The following CACNA2D3 variants were observed in gnomAD, a reference collection of about 807,000 sequenced individuals.
CACNA2D3 encodes calcium voltage-gated channel auxiliary subunit alpha2delta 3, also known as voltage-dependent calcium channel subunit alpha-2/delta-3.
Under a neutral mutation model 160.6 loss-of-function variants are expected in CACNA2D3, and 60 were observed. That is an observed-to-expected ratio of 0.37 (90% CI 0.30 to 0.46). The LOEUF (loss-of-function observed/expected upper bound fraction) is 0.46. CACNA2D3 is among the 20% of genes least tolerant of loss of function. CACNA2D3 has a pLI of 1.00. For missense variants in CACNA2D3, 1,205 were observed against 1,365.0 expected, an observed-to-expected ratio of 0.88 and a Z score of 1.85; for synonymous variants, 558 against 492.9, an observed-to-expected ratio of 1.13 and a Z score of -1.75.
chr3:54,446,962 C>T (rs1357032963), intron 4 of CACNA2D3, among the ~76,000 whole-genome samples: 4 of 152,160 alleles, frequency 2.6e-5, no homozygotes, highest in Admixed American at 2.0e-4. Flanking sequence ...GGTGGGATCC[C>T]GGAGGCGGGT....
intron 5 of CACNA2D3, among the ~76,000 whole-genome samples, chr3:54,528,055 C>T (rs1389118418): frequency 6.6e-6 from 1 of 151,994 alleles, no homozygotes; most frequent in Non-Finnish European, 1.5e-5. Context: ...TTTAAGTTCT[C>T]AAGAAGCTTC....
chr3:54,708,520 G>T lies in CACNA2D3; in HGVS notation c.1168-44079G>T, dbSNP rs530499565. On this transcript the variant is annotated intron_variant, in intron 11 of 37. Transcript: ENST00000474759. ...CCTTGTGATTACTGCCAAATTGGTT[G>T]TTTATAATAGGTAAATGTTGATTGA... is the stretch of plus-strand genomic sequence containing the variant. 2.0e-5 allele frequency among the ~76,000 whole-genome samples: 3 copies of T among 152,294 alleles called. No homozygotes were observed. In the South Asian group the frequency reaches 6.2e-4, roughly 32 times the overall value.
intron 11 of CACNA2D3, among the ~76,000 whole-genome samples, chr3:54,719,423 T>G (rs1701127336): frequency 6.6e-6 from 1 of 151,966 alleles, no homozygotes; most frequent in Non-Finnish European, 1.5e-5. Context: ...AATTATATAA[T>G]TTTTTCTTCT....
chr3:54,528,721 T>G (rs905210057), intron 5 of CACNA2D3, among the ~76,000 whole-genome samples: 6 of 152,312 alleles, frequency 3.9e-5, no homozygotes, highest in Middle Eastern at 3.4e-3. Flanking sequence ...TTTGTGAGAT[T>G]ATCAAGCAGC....
At chr3:54,585,716 G>T (rs1388808669) in intron 9 of CACNA2D3, among the ~76,000 whole-genome samples, 1 of 152,106 alleles carries the variant, frequency 6.6e-6, no homozygotes, top group Non-Finnish European at 1.5e-5. Flanking sequence ...CATGAAATTT[G>T]CTCAGTATCA....
At chr3:54,633,306 T>A (rs1241058970) in intron 10 of CACNA2D3, among the ~76,000 whole-genome samples, 1 of 152,194 alleles carries the variant, frequency 6.6e-6, no homozygotes, top group African/African-American at 2.4e-5. Flanking sequence ...ATCCCAGCTA[T>A]GTCAGATAGT....
At chr3:54,586,853 A>G (rs1702771069) in intron 9 of CACNA2D3, among the ~76,000 whole-genome samples, 1 of 152,140 alleles carries the variant, frequency 6.6e-6, no homozygotes, top group African/African-American at 2.4e-5. Flanking sequence ...CAGGAAATTC[A>G]TAACAGAAAG....
intron 24 of CACNA2D3, among the ~76,000 whole-genome samples, chr3:54,888,362 C>T (rs1273250854): frequency 1.3e-5 from 2 of 152,160 alleles, no homozygotes; most frequent in African/African-American, 4.8e-5. Flanking sequence ...ACAGCTCTCT[C>T]TACTTTGCAG....
chr3:54,307,254 A>G (rs4072628), intron 2 of CACNA2D3, among the ~76,000 whole-genome samples: 68,566 of 151,984 alleles, frequency 0.45, 15,741 homozygotes, highest in Middle Eastern at 0.57. Flanking sequence ...AGTTGGTGAC[A>G]CTGAAATTTT....
chr3:54,223,399 A>G (rs550592390), intron 2 of CACNA2D3, among the ~76,000 whole-genome samples: 1 of 152,354 alleles, frequency 6.6e-6, no homozygotes, highest in African/African-American at 2.4e-5. Flanking sequence ...GTACTATAAA[A>G]TATGGCATAA....
At chr3:54,264,104 G>A (rs1575352939) in intron 2 of CACNA2D3, among the ~76,000 whole-genome samples, 1 of 152,082 alleles carries the variant, frequency 6.6e-6, no homozygotes, top group Non-Finnish European at 1.5e-5. Flanking sequence ...CCACAATATG[G>A]CAAATTTGCT....
chr3:54,785,585 T>C (rs1266190203), intron 13 of CACNA2D3, among the ~76,000 whole-genome samples: 1 of 152,226 alleles, frequency 6.6e-6, no homozygotes, highest in Non-Finnish European at 1.5e-5. Context: ...TTTGTCTACC[T>C]AAATGACAAG....
In CACNA2D3 at chr3:54,183,692, C is replaced by G. The variant is rs11918401; in HGVS notation, c.204+60098C>G. 2.0e-5 allele frequency among the ~76,000 whole-genome samples: 3 copies of G among 151,732 alleles called. No homozygotes were observed. In the South Asian group the frequency reaches 6.3e-4, roughly 32 times the overall value. On this transcript the variant is annotated intron_variant, in intron 2 of 37. Coordinates refer to ENST00000474759, the MANE Select transcript of CACNA2D3 (RefSeq NM_018398.3). ...CTGAGGTCAGTAGTTCCAGACCAGTCTGGCCAACATGGTGAAACCCCGTCT... is the reference window on the plus strand; with the variant it reads ...CTGAGGTCAGTAGTTCCAGACCAGTGTGGCCAACATGGTGAAACCCCGTCT...
chr3:54,803,384 A>T (rs1031174625), intron 13 of CACNA2D3, among the ~76,000 whole-genome samples: 32 of 152,340 alleles, frequency 2.1e-4, no homozygotes, highest in Admixed American at 9.8e-4. Context: ...TGGAGCTGAA[A>T]GCCAAGGCTC....
At chr3:54,879,213 A>G in intron 19 of CACNA2D3, 124 bp downstream of exon 19, 1 of 863,462 alleles carries the variant, frequency 1.2e-6, no homozygotes. Context: ...GTCTTTACTT[A>G]TCTCAAACAA....
At chr3:54,877,952 T>C (rs1224864332) in intron 18 of CACNA2D3, among the ~76,000 whole-genome samples, 1 of 152,190 alleles carries the variant, frequency 6.6e-6, no homozygotes, top group Non-Finnish European at 1.5e-5. Flanking sequence ...AAAGTTAAAA[T>C]GGGAAAATAT....
intron 4 of CACNA2D3, among the ~76,000 whole-genome samples, chr3:54,487,873 G>C (rs1424080439): frequency 1.3e-5 from 2 of 152,198 alleles, no homozygotes; most frequent in African/African-American, 4.8e-5. Flanking sequence ...GTGGCTAGTG[G>C]CTGTTGTATC....
chr3:54,179,569 TC>T (rs1255554807), intron 2 of CACNA2D3, among the ~76,000 whole-genome samples: 4 of 152,202 alleles, frequency 2.6e-5, no homozygotes, highest in African/African-American at 9.6e-5. Context: ...ATGCTTATGT[TC>T]CCTCAAAATT....
At chr3:54,293,830 A>G (rs556860361) in intron 2 of CACNA2D3, among the ~76,000 whole-genome samples, 5 of 152,162 alleles carry the variant, frequency 3.3e-5, no homozygotes, top group African/African-American at 1.2e-4. Context: ...CCTTGAGGGA[A>G]TTTTCTGGAG....
Sources: gnomAD v4.1 joint callset for allele counts (sites outside exome capture counted in the v4.1 genomes callset) on GRCh38, gnomAD v4.1.1 for gene constraint, MANE v1.5 for transcripts, NCBI Gene and HGNC (gene_info 2026-07-23, HGNC 2026-07-21) for gene names.